Variants in DTD1 observed in about 807,000 individuals in gnomAD.
DTD1 encodes D-tyrosyl-tRNA deacylase 1 homolog.
In DTD1, 13 loss-of-function variants were observed where a neutral mutation model predicts 25.6. That is an observed-to-expected ratio of 0.51 (90% CI 0.33 to 0.81). The LOEUF is 0.81. Ranked by LOEUF, DTD1 falls within the 30% of genes least tolerant of loss-of-function variation. DTD1 has a pLI of 0.02. For synonymous variants in DTD1, 110 were observed against 103.6 expected, an observed-to-expected ratio of 1.06 and a Z score of -0.37; for missense variants, 193 against 266.4, an observed-to-expected ratio of 0.72 and a Z score of 1.92.
intron 2 of DTD1, among the ~76,000 whole-genome samples, chr20:18,595,682 C>G (rs867806031): frequency 6.6e-6 from 1 of 152,154 alleles, no homozygotes; most frequent in Non-Finnish European, 1.5e-5. Context: ...TTTGACATAT[C>G]CCCGACCTAA....
intron 4 of DTD1, among the ~76,000 whole-genome samples, chr20:18,717,650 A>G (rs1232817486): frequency 2.0e-5 from 3 of 152,206 alleles, no homozygotes; most frequent in Admixed American, 1.3e-4. Context: ...GATTCTCACA[A>G]TTCAAACCTG....
chr20:18,725,452 C>G (rs1160899363), intron 4 of DTD1, among the ~76,000 whole-genome samples: 1 of 152,214 alleles, frequency 6.6e-6, no homozygotes, highest in East Asian at 1.9e-4. Flanking sequence ...ATTTGTAGTT[C>G]ATAAGCAAAT....
Position 18,650,443 on chromosome 20 carries a change from A to G in DTD1, c.477+22210A>G, listed in dbSNP as rs191630353. Among the ~76,000 whole-genome samples the G allele has an allele frequency of 6.4e-4, 98 of 152,196 alleles. 1 individual carries two copies. Among genetic ancestry groups the G allele is most frequent in the East Asian group, 6.4e-3 (33 of 5,178 alleles). ...GCCCACATCCTGGCCATCCTTCTCC[A>G]TGATGAAATCTGCCCTCCTGCTCTG... On this transcript the variant is annotated intron_variant, in intron 4 of 5. Transcript: ENST00000377452.
chr20:18,648,845 A>C (rs7262016), intron 4 of DTD1, among the ~76,000 whole-genome samples: 12,174 of 151,590 alleles, frequency 0.08, 669 homozygotes, highest in East Asian at 0.26. Context: ...AAATACAAAA[A>C]ATTAGCCGGG....
intron 5 of DTD1, among the ~76,000 whole-genome samples, chr20:18,754,580 G>A (rs1025370085): frequency 6.6e-6 from 1 of 152,184 alleles, no homozygotes; most frequent in Non-Finnish European, 1.5e-5. Flanking sequence ...GGAGAACCAT[G>A]TGTTTAGCTT....
chr20:18,625,110 C>T lies in DTD1; in HGVS notation c.371-3017C>T, dbSNP rs534645870. ...CCCTCAGATGTAGATACCACCTCTG[C>T]GCTGTTGCAGAGCCAAGTGGAGAAC... On this transcript the variant is annotated intron_variant, in intron 3 of 5. Transcript: ENST00000377452. 5.9e-5 allele frequency among the ~76,000 whole-genome samples: 9 copies of T among 152,310 alleles called. 1 individual carries two copies. The highest frequency in any genetic ancestry group is 1.9e-4 in the East Asian group (1 of 5,174).
At chr20:18,645,380 T>C (rs1286326661) in intron 4 of DTD1, among the ~76,000 whole-genome samples, 1 of 152,218 alleles carries the variant, frequency 6.6e-6, no homozygotes, top group Admixed American at 6.5e-5. Context: ...TAACTCTAGA[T>C]TGCAGTGCCC....
At chr20:18,697,218 TGA>T (rs1234328422) in intron 4 of DTD1, among the ~76,000 whole-genome samples, 1 of 149,668 alleles carries the variant, frequency 6.7e-6, no homozygotes, top group Non-Finnish European at 1.5e-5. Flanking sequence ...GGCGACAGAG[TGA>T]GACTCTGTCT....
rs181820537 is a variant in DTD1 at position 18,759,013 on chromosome 20, C to A, written c.*20-4347C>A. Among the ~76,000 whole-genome samples the A allele has an allele frequency of 4.6e-3, 701 of 152,230 alleles. 4 individuals carry two copies. The highest frequency in any genetic ancestry group is 0.016 in the African/African-American group (655 of 41,532). On this transcript the variant is annotated intron_variant, in intron 5 of 5. Coordinates refer to ENST00000377452, the MANE Select transcript of DTD1 (RefSeq NM_080820.6). ...AATGGCCTTCTTCGTCTCTTTTGAT[C>A]TTTGTTGGTTTAAAGTGTGTTTTAT...
chr20:18,607,551 A>G (rs914477235), intron 3 of DTD1, among the ~76,000 whole-genome samples: 3 of 152,174 alleles, frequency 2.0e-5, no homozygotes, highest in Non-Finnish European at 2.9e-5. Flanking sequence ...ATCTTCTGAA[A>G]GAGATAGATT....
At chr20:18,758,481 T>C (rs1414293848) in intron 5 of DTD1, among the ~76,000 whole-genome samples, 2 of 152,246 alleles carry the variant, frequency 1.3e-5, no homozygotes, top group African/African-American at 4.8e-5. Flanking sequence ...GTCTTTGTTC[T>C]CGTTGGTTTC....
chr20:18,761,194 A>G (rs988892850), intron 5 of DTD1, among the ~76,000 whole-genome samples: 2 of 152,014 alleles, frequency 1.3e-5, no homozygotes, highest in Non-Finnish European at 2.9e-5. Context: ...GGGCGAGGCG[A>G]TGCCTCGCCC....
At chr20:18,608,816 C>T (rs1007859114) in intron 3 of DTD1, among the ~76,000 whole-genome samples, 1 of 152,128 alleles carries the variant, frequency 6.6e-6, no homozygotes, top group East Asian at 1.9e-4. Context: ...TAGAAAATGT[C>T]TTAGAATAAT....
intron 3 of DTD1, among the ~76,000 whole-genome samples, chr20:18,609,481 C>A (rs1467011912): frequency 6.6e-6 from 1 of 151,912 alleles, no homozygotes; most frequent in Non-Finnish European, 1.5e-5. Flanking sequence ...GTTTCCTATG[C>A]TCTAACTTTC....
At chr20:18,659,083 C>T (rs536473845) in intron 4 of DTD1, among the ~76,000 whole-genome samples, 4 of 152,276 alleles carry the variant, frequency 2.6e-5, no homozygotes, top group South Asian at 2.1e-4. Flanking sequence ...AAAGAAAAAG[C>T]GTAAGCAGAG....
At chr20:18,711,011 G>A (rs755583145) in intron 4 of DTD1, among the ~76,000 whole-genome samples, 18 of 152,258 alleles carry the variant, frequency 1.2e-4, no homozygotes, top group Admixed American at 3.3e-4. Context: ...AATCACTTTG[G>A]TTACTTTGGG....
intron 5 of DTD1, among the ~76,000 whole-genome samples, chr20:18,754,781 T>G (rs935293563): frequency 6.6e-6 from 1 of 152,216 alleles, no homozygotes; most frequent in Non-Finnish European, 1.5e-5. Flanking sequence ...CTTTAGCAAG[T>G]GAGACTAGAA....
intron 4 of DTD1, among the ~76,000 whole-genome samples, chr20:18,657,606 C>T (rs2060895548): frequency 6.6e-6 from 1 of 152,234 alleles, no homozygotes; most frequent in Non-Finnish European, 1.5e-5. Flanking sequence ...TTCAAGTCAG[C>T]AAGCACTTAT....
At chr20:18,711,067 A>G (rs2061156661) in intron 4 of DTD1, among the ~76,000 whole-genome samples, 2 of 152,206 alleles carry the variant, frequency 1.3e-5, no homozygotes, top group African/African-American at 4.8e-5. Flanking sequence ...AGTGCTCAGT[A>G]GGACTAATTC....
Sources: allele counts gnomAD v4.1 joint callset (sites outside exome capture counted in the v4.1 genomes callset), GRCh38; gene constraint gnomAD v4.1.1; transcripts MANE v1.5; gene names NCBI Gene and HGNC (gene_info 2026-07-23, HGNC 2026-07-21).